The following TSTD2 variants were observed in gnomAD, a reference collection of about 807,000 sequenced individuals.
The protein encoded by TSTD2 is thiosulfate sulfurtransferase/rhodanese-like domain-containing protein 2.
TSTD2 carries 37 observed loss-of-function variants against 47.9 expected under a neutral mutation model. The observed-to-expected ratio is 0.77, with a 90% CI of 0.59 to 1.02. The LOEUF is 1.02. TSTD2 is among the 50% of genes least tolerant of loss of function. TSTD2 has a pLI of 0.00. For missense variants in TSTD2, 586 were observed against 616.0 expected, an observed-to-expected ratio of 0.95 and a Z score of 0.52; for synonymous variants, 201 against 215.9, an observed-to-expected ratio of 0.93 and a Z score of 0.61.
chr9:97,621,576 G>A (rs559535212), intron 3 of TSTD2, among the ~76,000 whole-genome samples: 2 of 152,258 alleles, frequency 1.3e-5, no homozygotes, highest in African/African-American at 2.4e-5. Context: ...ATGCATTCCC[G>A]GGTGGTCCTA....
Position 97,604,844 on chromosome 9 carries a change from G to C in TSTD2, c.1135C>G (p.Gln379Glu). 6.2e-7 allele frequency: 1 copy of C among 1,614,106 alleles called. No homozygotes were observed. The change falls in exon 9 of 10, where the codon CAG (glutamine) becomes GAG (glutamate). Residue 379 changes from glutamine to glutamate, a missense_variant. Physicochemically the swap from Gln to Glu is conservative, Grantham distance 29. Coordinates refer to ENST00000341170, the MANE Select transcript of TSTD2 (RefSeq NM_139246.5). ...KAKGVCKEVF[Q>E]LKGGIHKYLE... ...TACTTGTGGATGCCACCCTTGAGCT[G>C]GAACACCTCCTTGCACACTCCCTAG...
At chr9:97,623,004 A>G (rs1400196690) in intron 3 of TSTD2, among the ~76,000 whole-genome samples, 3 of 152,208 alleles carry the variant, frequency 2.0e-5, no homozygotes, top group Non-Finnish European at 4.4e-5. Flanking sequence ...TGTTGGGAAG[A>G]CAGAATTGGT....
chr9:97,619,247 A>G (rs1034305840), intron 3 of TSTD2, among the ~76,000 whole-genome samples: 1 of 152,210 alleles, frequency 6.6e-6, no homozygotes, highest in South Asian at 2.1e-4. Flanking sequence ...CTCCTTTCCA[A>G]TAAGTAAAAG....
intron 1 of TSTD2, among the ~76,000 whole-genome samples, chr9:97,628,851 G>C (rs1310396807): frequency 1.3e-5 from 2 of 152,164 alleles, no homozygotes; most frequent in African/African-American, 4.8e-5. Context: ...ACCACACACA[G>C]AGAACCAGGT....
In TSTD2 at chr9:97,617,795, G is replaced by C. The variant is rs148125136; in HGVS notation, c.565C>G (p.Gln189Glu). 6.2e-7 allele frequency: 1 copy of C among 1,614,162 alleles called. No individual in the cohort carries two copies. The highest frequency in any genetic ancestry group is 1.3e-5 in the African/African-American group (1 of 75,064). ...LEDPQWICAW[Q>E]TALCQHLHLT... is the part of the protein sequence containing the mutation. ...TGCAGGTGCTGACACAGAGCTGTCT[G>C]CCAGGCACAGATCCATTGGGGATCC... Residue 189 changes from glutamine (Q) to glutamate (E), a missense_variant, in exon 4 of 10, where the codon CAG becomes GAG. Physicochemically the swap from Gln to Glu is conservative, Grantham distance 29. Transcript: ENST00000341170.
At chr9:97,616,050 A>G (rs1826536519) in intron 4 of TSTD2, among the ~76,000 whole-genome samples, 1 of 152,196 alleles carries the variant, frequency 6.6e-6, no homozygotes, top group South Asian at 2.1e-4. Flanking sequence ...GGGAAAAATG[A>G]ATTTAGATTG....
intron 3 of TSTD2, among the ~76,000 whole-genome samples, chr9:97,620,500 A>T (rs1826616835): frequency 6.6e-6 from 1 of 152,238 alleles, no homozygotes; most frequent in African/African-American, 2.4e-5. Context: ...TTTTGGAACT[A>T]GGTAACAGGC....
rs1183894840 is a variant in TSTD2 at position 97,626,455 on chromosome 9, T to C, written c.166-458A>G. Among the ~76,000 whole-genome samples the C allele has an allele frequency of 2.0e-5, 3 of 152,196 alleles. No individual in the cohort carries two copies. In the East Asian group the frequency reaches 5.8e-4, roughly 29 times the overall value. The stretch of plus-strand genomic sequence containing the variant: ...GAAAAAAATTGGATAAAATTGCTTA[T>C]GCAATGTAATCTTAACCACATTAAA... On this transcript the variant is annotated intron_variant, in intron 2 of 9. Coordinates refer to ENST00000341170, the MANE Select transcript of TSTD2 (RefSeq NM_139246.5).
At position 97,601,602 on chromosome 9, in the gene TSTD2, A is replaced by G. The variant is rs1378198172; in HGVS notation, c.*867T>C. On this transcript the variant is annotated 3_prime_UTR_variant, in exon 10 of 10. Transcript: ENST00000341170. ...GCTGGTCTAGATCAGGGGCTGGCAAACTTTTCTGTAAAAGGCCAGACAGTA... is the reference window on the plus strand; with the variant it reads ...GCTGGTCTAGATCAGGGGCTGGCAAGCTTTTCTGTAAAAGGCCAGACAGTA... The G allele has an allele frequency of 4.1e-6, 4 of 987,172 alleles. No individual in the cohort carries two copies. The African/African-American group carries it at 7.0e-5, about 17-fold the overall frequency. 61.2% of individuals were successfully genotyped at this position (987,172 alleles called of 1,614,324 possible).
chr9:97,603,879 A>G (rs180908850), intron 9 of TSTD2, among the ~76,000 whole-genome samples: 1 of 152,284 alleles, frequency 6.6e-6, no homozygotes, highest in East Asian at 1.9e-4. Flanking sequence ...TTTTGTAGAG[A>G]CATAGTGAGC....
intron 4 of TSTD2, among the ~76,000 whole-genome samples, chr9:97,615,477 TC>T (rs903183227): frequency 1.9e-4 from 29 of 152,190 alleles, no homozygotes; most frequent in African/African-American, 7.0e-4. Flanking sequence ...CTTCAATGTA[TC>T]CCCTCAAATT....
At chr9:97,616,996 C>T (rs1826553340) in intron 4 of TSTD2, among the ~76,000 whole-genome samples, 2 of 152,234 alleles carry the variant, frequency 1.3e-5, no homozygotes, top group Admixed American at 6.5e-5. Flanking sequence ...GGGTCTACTA[C>T]ATGCTAAGCT....
At chr9:97,613,570 C>G (rs1044873407) in intron 4 of TSTD2, among the ~76,000 whole-genome samples, 14 of 152,056 alleles carry the variant, frequency 9.2e-5, no homozygotes, top group Non-Finnish European at 1.9e-4. Context: ...TTTCGTACTA[C>G]AAAATCCTGT....
chr9:97,632,772 T>C (rs1826853751), intron 1 of TSTD2, among the ~76,000 whole-genome samples: 1 of 152,070 alleles, frequency 6.6e-6, no homozygotes, highest in South Asian at 2.1e-4. Context: ...TACAGATAAT[T>C]GTTATGTAAA....
intron 6 of TSTD2, among the ~76,000 whole-genome samples, chr9:97,607,945 G>T (rs1826392085): frequency 6.6e-6 from 1 of 152,158 alleles, no homozygotes; most frequent in Non-Finnish European, 1.5e-5. Context: ...ACTTTGGGAA[G>T]CTGAGGCAGG....
At chr9:97,619,882 C>T (rs1409103673) in intron 3 of TSTD2, among the ~76,000 whole-genome samples, 1 of 152,008 alleles carries the variant, frequency 6.6e-6, no homozygotes, top group East Asian at 1.9e-4. Context: ...TTCTATTTAC[C>T]AAATAGTTCA....
Position 97,601,342 on chromosome 9 carries a change from GC to G in TSTD2, c.*1126del. 2 of 1,142,888 alleles carry G rather than the reference GC, an allele frequency of 1.7e-6. No homozygotes were observed. The highest frequency in any genetic ancestry group is 3.5e-5 in the South Asian group (2 of 56,346). 70.8% of individuals were successfully genotyped at this position (1,142,888 alleles called of 1,614,324 possible). A position where few individuals can be genotyped will look rare whatever the true frequency, so the allele number is the denominator to read the frequency against. On this transcript the variant is annotated 3_prime_UTR_variant, in exon 10 of 10. Transcript: ENST00000341170. ...AAGACTGGGCAGCCACCATGGCAGTGCTGGATGACCTCAGTAAGAATGTGTC... is the reference window on the plus strand; with the variant it reads ...AAGACTGGGCAGCCACCATGGCAGTGTGGATGACCTCAGTAAGAATGTGTC...
Position 97,600,345 on chromosome 9 carries a change from A to G in TSTD2, c.*2124T>C. 1 of 986,194 alleles carries G rather than the reference A, an allele frequency of 1.0e-6. No individual in the cohort carries two copies. Among genetic ancestry groups the G allele is most frequent in the Non-Finnish European group, 1.2e-6 (1 of 830,218 alleles). 61.1% of individuals were successfully genotyped at this position (986,194 alleles called of 1,614,324 possible). On this transcript the variant is annotated 3_prime_UTR_variant, in exon 10 of 10. Coordinates refer to ENST00000341170, the MANE Select transcript of TSTD2 (RefSeq NM_139246.5). ...GAAAAAAACCAATGGTGAAATTTCA[A>G]GTTTCAAAAACCAACCTTTCATTAC...
In TSTD2 at chr9:97,600,932, A is replaced by G; in HGVS notation, c.*1537T>C. On this transcript the variant is annotated 3_prime_UTR_variant, in exon 10 of 10. Coordinates refer to ENST00000341170, the MANE Select transcript of TSTD2 (RefSeq NM_139246.5). Reference sequence around the variant, plus strand: ...AATATTTTTGTTTGTTGCTTTTGGGAGTTATTTTCATTAGTGATTTCAGCA... The same window carrying G: ...AATATTTTTGTTTGTTGCTTTTGGGGGTTATTTTCATTAGTGATTTCAGCA... The G allele has an allele frequency of 8.8e-7, 1 of 1,140,526 alleles. No homozygotes were observed. 70.7% of individuals were successfully genotyped at this position (1,140,526 alleles called of 1,614,324 possible).
Sources: allele counts gnomAD v4.1 joint callset (sites outside exome capture counted in the v4.1 genomes callset), GRCh38; gene constraint gnomAD v4.1.1; transcripts MANE v1.5; gene names NCBI Gene and HGNC (gene_info 2026-07-23, HGNC 2026-07-21).